The following HUWE1 variants were observed in gnomAD, a reference collection of about 807,000 sequenced individuals.
The protein encoded by HUWE1 is E3 ubiquitin-protein ligase HUWE1.
Under a neutral mutation model 299.4 loss-of-function variants are expected in HUWE1, and 18 were observed. The ratio of observed to expected loss-of-function variants is 0.06; its 90% CI spans 0.04 to 0.09. The LOEUF (loss-of-function observed/expected upper bound fraction) is 0.09, where lower values mean the gene tolerates loss of function less well. Ranked by LOEUF, HUWE1 falls within the 10% of genes least tolerant of loss-of-function variation. The pLI, the probability that HUWE1 is intolerant of heterozygous loss-of-function variation, is 1.00. For missense variants in HUWE1, 1,832 were observed against 3,462.3 expected (o/e 0.53, Z 11.82); for synonymous variants, 1,317 against 1,286.1 (o/e 1.02, Z -0.51).
intron 80 of HUWE1, among the ~76,000 whole-genome samples, 167 bp from the exon 81 acceptor site, chrX:53,535,668 T>C (rs1028723835): frequency 4.5e-5 from 5 of 111,697 alleles, no homozygotes; most frequent in Non-Finnish European, 7.5e-5. Flanking sequence ...ACTCCCCTTA[T>C]AGGGAAAGGC....
chrX:53,586,139 A>G (rs1209521977), intron 39 of HUWE1, among the ~76,000 whole-genome samples: 1 of 112,327 alleles, frequency 8.9e-6, no homozygotes, highest in African/African-American at 3.2e-5. Context: ...TAAAAGGGGA[A>G]TGTTCACCTG....
intron 12 of HUWE1, among the ~76,000 whole-genome samples, chrX:53,630,140 G>A (rs2066775269): frequency 9.0e-6 from 1 of 111,711 alleles, no homozygotes; most frequent in Admixed American, 9.5e-5. Context: ...AAACTAATGG[G>A]ATTTAGGCAT....
At chrX:53,587,003 G>T in intron 37 of HUWE1, 94 bp from the exon 38 acceptor site, 1 of 965,996 alleles carries the variant, frequency 1.0e-6, no homozygotes, top group Non-Finnish European at 1.5e-6. Context: ...GAACATAAGG[G>T]TAAATAATAA....
chrX:53,538,722 ACACTCTCTCT>A (rs1426960723), intron 76 of HUWE1, 103 bp downstream of exon 76: 100 of 439,801 alleles, frequency 2.3e-4, no homozygotes, highest in Middle Eastern at 6.9e-4. Context: ...ACACACACAC[ACACTCTCTCT>A]CTCTCTCTCT....
In HUWE1 at chrX:53,575,763, C is replaced by T. The variant is rs1173291881; in HGVS notation, c.5910G>A (p.Gly1970=). The T allele has an allele frequency of 8.3e-7, 1 of 1,210,087 alleles. No individual in the cohort carries two copies. Among genetic ancestry groups the T allele is most frequent in the Non-Finnish European group, 1.1e-6 (1 of 895,032 alleles). The change falls in exon 45 of 84, where the codon GGG becomes GGA. Residue 1970 remains glycine, a synonymous_variant. Transcript: ENST00000262854. ...GCTGGCCAACCTCTTGGGTCATAAC[C>T]CCAGGTTTAGGATCAGATTTATCTG... The part of the protein sequence containing the change: ...EEADKSDPKP[G]VMTQEVGQLL...
intron 4 of HUWE1, among the ~76,000 whole-genome samples, chrX:53,649,094 G>A (rs1184516841): frequency 1.8e-5 from 2 of 111,995 alleles, no homozygotes; most frequent in East Asian, 5.6e-4. Flanking sequence ...ACAGCATCCT[G>A]GGAATGGACC....
At chrX:53,646,749 C>A (rs189698552) in intron 6 of HUWE1, among the ~76,000 whole-genome samples, 1 of 111,727 alleles carries the variant, frequency 9.0e-6, no homozygotes, top group East Asian at 2.8e-4. Flanking sequence ...CTACTGAAGA[C>A]GTAGGAAAAC....
chrX:53,602,013 T>C (rs1454104000), intron 28 of HUWE1, among the ~76,000 whole-genome samples: 1 of 111,554 alleles, frequency 9.0e-6, no homozygotes, highest in African/African-American at 3.3e-5. Flanking sequence ...AGCAATCTTC[T>C]TTATAAAACA....
intron 9 of HUWE1, chrX:53,631,879 CT>C: frequency 5.2e-6 from 2 of 383,055 alleles, no homozygotes; most frequent in Non-Finnish European, 9.1e-6. Flanking sequence ...CTTCTTTGTC[CT>C]TTTTTAACCC....
intron 19 of HUWE1, among the ~76,000 whole-genome samples, chrX:53,622,018 T>C (rs1362831560): frequency 3.6e-5 from 4 of 111,760 alleles, no homozygotes; most frequent in African/African-American, 1.3e-4. Flanking sequence ...GAAATACAGG[T>C]GGCTAAAAGT....
At chrX:53,538,117 ACT>A (rs1258994384) in intron 77 of HUWE1, among the ~76,000 whole-genome samples, 1 of 110,946 alleles carries the variant, frequency 9.0e-6, no homozygotes, top group Non-Finnish European at 1.9e-5. Flanking sequence ...AAATCATGTG[ACT>A]CTGTTTTGCT....
chrX:53,581,092 G>C (rs782620624), intron 42 of HUWE1, 66 bp from the exon 43 acceptor site: 20 of 906,244 alleles, frequency 2.2e-5, no homozygotes, highest in Middle Eastern at 5.5e-4. Context: ...CTGCAGTCAA[G>C]AGTTACCAAG....
chrX:53,573,986 T>G, intron 46 of HUWE1, 22 bp from the exon 47 acceptor site: 1 of 1,151,042 alleles, frequency 8.7e-7, no homozygotes, highest in East Asian at 3.0e-5. Flanking sequence ...AGTCAAACAC[T>G]GGTTCAATTC....
intron 2 of HUWE1, among the ~76,000 whole-genome samples, chrX:53,682,414 C>T (rs1359133427): frequency 3.6e-5 from 4 of 111,452 alleles, no homozygotes. Flanking sequence ...TCAATCTATG[C>T]AACACTGGGG....
At chrX:53,589,492 A>G in intron 36 of HUWE1, 55 bp downstream of exon 36, 1 of 1,130,187 alleles carries the variant, frequency 8.8e-7, no homozygotes, top group Middle Eastern at 2.4e-4. Context: ...AGGTTTTGAC[A>G]CAGGCAGGCA....
At chrX:53,548,499 TAGTCTCGCACTTATAAAATGG>T in intron 67 of HUWE1, among the ~76,000 whole-genome samples, 1 of 113,048 alleles carries the variant, frequency 8.8e-6, no homozygotes, top group Non-Finnish European at 1.9e-5. Context: ...TCCTGAGCTT[TAGTCTCGCACTTATAAAATGG>T]AGATAACTAC....
chrX:53,538,674 T>C (rs2061176042), intron 76 of HUWE1, among the ~76,000 whole-genome samples, 161 bp downstream of exon 76: 2 of 104,009 alleles, frequency 1.9e-5, no homozygotes, highest in African/African-American at 7.1e-5. Flanking sequence ...CATGCAGGGT[T>C]TACGTGCACG....
At chrX:53,603,280 C>T in intron 27 of HUWE1, 88 bp downstream of exon 27, 1 of 978,174 alleles carries the variant, frequency 1.0e-6, no homozygotes, top group Non-Finnish European at 1.4e-6. Context: ...GAACTCTCTT[C>T]CATACCCTCC....
chrX:53,596,098 G>A (rs191521594), intron 29 of HUWE1, among the ~76,000 whole-genome samples: 2 of 112,144 alleles, frequency 1.8e-5, no homozygotes, highest in South Asian at 3.7e-4. Context: ...TGAAAATGTT[G>A]CCATAGCATT....
Sources: allele counts gnomAD v4.1 joint callset (sites outside exome capture counted in the v4.1 genomes callset), GRCh38; gene constraint gnomAD v4.1.1; transcripts MANE v1.5; gene names NCBI Gene and HGNC (gene_info 2026-07-23, HGNC 2026-07-21).